The following ITGA2B variants were observed in gnomAD, a reference collection of about 807,000 sequenced individuals.
ITGA2B encodes the protein integrin alpha-IIb.
Under a neutral mutation model 142.0 loss-of-function variants are expected in ITGA2B, and 91 were observed. The ratio of observed to expected loss-of-function variants is 0.64; its 90% CI spans 0.54 to 0.76. The LOEUF is 0.76. Among genes scored for constraint, ITGA2B ranks in the 30% least tolerant of loss-of-function variants. The probability of loss-of-function intolerance (pLI) is 0.00; values close to 1 mark genes in which losing one functional copy is unlikely to be tolerated. For synonymous variants in ITGA2B, 536 were observed against 567.2 expected (o/e 0.94, Z 0.78); for missense variants, 1,231 against 1,350.8 (o/e 0.91, Z 1.39).
At chr17:44,373,989 T>TTG in intron 29 of ITGA2B, 1 of 305,238 alleles carries the variant, frequency 3.3e-6, no homozygotes, top group Non-Finnish European at 6.5e-6. Context: ...CACTGCAACC[T>TTG]CCGCCTCCTG....
chr17:44,385,113 C>A, intron 6 of ITGA2B, 37 bp from the exon 7 acceptor site: 5 of 1,614,020 alleles, frequency 3.1e-6, no homozygotes, highest in Non-Finnish European at 4.2e-6. Context: ...AAGCCCAAAG[C>A]GGTCTCCTTG....
At chr17:44,389,172 C>A in intron 1 of ITGA2B, 114 bp downstream of exon 1, 1 of 1,206,854 alleles carries the variant, frequency 8.3e-7, no homozygotes. Flanking sequence ...TGAATAGGCC[C>A]CACAAGTCAC....
rs768134115 is a variant in ITGA2B, at chr17:44,374,389, G to T, written c.3025C>A (p.Leu1009Met). 4 of 1,613,762 alleles carry T rather than the reference G, an allele frequency of 2.5e-6. No homozygotes were observed. The highest frequency in any genetic ancestry group is 3.3e-5 in the Admixed American group (2 of 59,974). Residue 1009 changes from leucine to methionine, a missense_variant, in exon 29 of 30, where the codon CTG becomes ATG. Physicochemically the swap from Leu to Met is conservative, Grantham distance 15 (BLOSUM62 2). Coordinates refer to ENST00000262407, the MANE Select transcript of ITGA2B (RefSeq NM_000419.5). ...WVLVGVLGGL[L>M]LLTILVLAMW... ...GCCAGGACCAGGATGGTGAGCAGCA[G>T]CAGGCCACCCAGCACACCCACCAGC...
rs1237895415 is a variant in ITGA2B, at chr17:44,384,973, G to A, written c.774C>T (p.Asn258=). ...CCCAGTAGCCGTCGAAGTACTCTGG[G>A]TTGCTGGAGTCAAAGGAGAGGCTCT... ...SSQSLSFDSS[N]PEYFDGYWGY... Residue 258 remains asparagine (N), a synonymous_variant, in exon 7 of 30, where the codon AAC becomes AAT. Transcript: ENST00000262407. 6.2e-7 allele frequency: 1 copy of A among 1,614,060 alleles called. No homozygotes were observed. The highest frequency in any genetic ancestry group is 8.5e-7 in the Non-Finnish European group (1 of 1,180,042).
chr17:44,385,605 A>T lies in ITGA2B; in HGVS notation c.520T>A (p.Tyr174Asn). Residue 174 changes from tyrosine (Y) to asparagine (N), a missense_variant, in exon 4 of 30, where the codon TAC becomes AAC. Tyr to Asn is a moderately radical substitution (Grantham distance 143). Coordinates refer to ENST00000262407, the MANE Select transcript of ITGA2B (RefSeq NM_000419.5). ...AGGGTGTTCCCGCGACAGGGGGAGT[A>T]CTCGGCGCGGCGGCCGCTCTCTGGC... ...AQPESGRRAEYSPCRGNTLSR... is the reference protein window; with the variant it reads ...AQPESGRRAENSPCRGNTLSR... 1 of 1,611,766 alleles carries T rather than the reference A, an allele frequency of 6.2e-7. No individual in the cohort carries two copies. Among genetic ancestry groups the T allele is most frequent in the Non-Finnish European group, 8.5e-7 (1 of 1,179,620 alleles).
Position 44,374,646 on chromosome 17 carries a change from C to T in ITGA2B, c.2943+13G>A. The T allele has an allele frequency of 1.9e-6, 3 of 1,608,260 alleles. No individual in the cohort carries two copies. The highest frequency in any genetic ancestry group is 2.6e-6 in the Non-Finnish European group (3 of 1,174,744). On this transcript the variant is annotated intron_variant, in intron 28 of 29. Coordinates refer to ENST00000262407, the MANE Select transcript of ITGA2B (RefSeq NM_000419.5). ...CTGCAGGACTGGTCTCTGCTCCATC[C>T]CCCCACACTCACCTGAGCTTCCCCT...
At chr17:44,380,207 C>G (rs190712632) in intron 16 of ITGA2B, 39 bp downstream of exon 16, 5 of 1,614,058 alleles carry the variant, frequency 3.1e-6, no homozygotes, top group Non-Finnish European at 4.2e-6. Flanking sequence ...CCGGGGGAGT[C>G]CAAGCCCACC....
At chr17:44,387,680 C>A (rs1056224312) in intron 1 of ITGA2B, among the ~76,000 whole-genome samples, 5 of 151,532 alleles carry the variant, frequency 3.3e-5, no homozygotes, top group Admixed American at 2.6e-4. Flanking sequence ...ACAAAATTAG[C>A]CGGGTGTGGT....
At position 44,389,594 on chromosome 17, in the gene ITGA2B, GGCAGA is replaced by G; in HGVS notation, c.-126_-122del. The G allele has an allele frequency of 2.6e-6, 3 of 1,159,866 alleles. No individual in the cohort carries two copies. The highest frequency in any genetic ancestry group is 3.7e-6 in the Non-Finnish European group (3 of 806,994). 71.8% of individuals were successfully genotyped at this position (1,159,866 alleles called of 1,614,324 possible). On this transcript the variant is annotated 5_prime_UTR_variant, in exon 1 of 30. It introduces an in-frame stop codon into an upstream open reading frame of the 5' UTR. Coordinates refer to ENST00000262407, the MANE Select transcript of ITGA2B (RefSeq NM_000419.5). ...ACCCCAAGTAACTTGCTGAGCAACG[GGCAGA>G]GCAAAGGGCTATAGCCCCTGGACTC...
At chr17:44,372,554 A>G (rs750310324) in intron 29 of ITGA2B, 131 bp from the exon 30 acceptor site, 15 of 706,314 alleles carry the variant, frequency 2.1e-5, no homozygotes, top group Non-Finnish European at 3.6e-5. Flanking sequence ...TGTACTCACA[A>G]ATGGATGCCT....
chr17:44,376,345 C>T lies in ITGA2B; in HGVS notation c.2311G>A (p.Val771Met), dbSNP rs368953599. Residue 771 changes from valine (V) to methionine (M), a missense_variant, in exon 23 of 30, where the codon GTG (valine) becomes ATG (methionine). This residue lies in a region of ITGA2B where 908 missense variants were observed against 1,021.1 expected (regional missense o/e 0.89). Coordinates refer to ENST00000262407, the MANE Select transcript of ITGA2B (RefSeq NM_000419.5). ...ACTTGGGCCTCTGCCCGGACCGGCA[C>T]GTCCAGCAGCACAATCTTGCTGTTT... ...NPNSKIVLLDVPVRAEAQVEL... is the reference protein window; with the variant it reads ...NPNSKIVLLDMPVRAEAQVEL... The T allele has an allele frequency of 1.2e-5, 20 of 1,614,186 alleles. No homozygotes were observed. In the South Asian group the frequency reaches 1.5e-4, roughly 12 times the overall value.
intron 27 of ITGA2B, 29 bp downstream of exon 27, chr17:44,374,969 C>T (rs1173394114): frequency 6.7e-7 from 1 of 1,481,852 alleles, no homozygotes. Context: ...CCAGAAGGCC[C>T]GGCCCCGCCC....
In ITGA2B at chr17:44,377,692, C is replaced by T. The variant is rs374761257; in HGVS notation, c.2187+6G>A. The T allele has an allele frequency of 1.4e-5, 23 of 1,610,938 alleles. No homozygotes were observed. The highest frequency in any genetic ancestry group is 2.0e-5 in the Non-Finnish European group (23 of 1,177,894). On this transcript the variant is annotated splice_donor_region_variant and intron_variant, in intron 21 of 29. Transcript: ENST00000262407. ...GAGACCCGGTACCACGACCCAGCAG[C>T]CTCACCTGGGCGTTCTTCTTCATGG...
chr17:44,380,660 G>A lies in ITGA2B; in HGVS notation c.1394-15C>T, dbSNP rs1395945633. 6.2e-7 allele frequency: 1 copy of A among 1,614,204 alleles called. No homozygotes were observed. The highest frequency in any genetic ancestry group is 1.1e-5 in the South Asian group (1 of 91,078). On this transcript the variant is annotated splice_polypyrimidine_tract_variant and intron_variant, in intron 13 of 29. Transcript: ENST00000262407. ...CACGATCAGGTCTATAGACATCGAGGAATGGGTCAGAATTGGCGATTAGGG... is the reference window on the plus strand; with the variant it reads ...CACGATCAGGTCTATAGACATCGAGAAATGGGTCAGAATTGGCGATTAGGG...
intron 1 of ITGA2B, among the ~76,000 whole-genome samples, chr17:44,388,775 C>T (rs2048672386): frequency 6.6e-6 from 1 of 151,330 alleles, no homozygotes; most frequent in Non-Finnish European, 1.5e-5. Flanking sequence ...CCTCTGCCTC[C>T]CAAAGTGCTG....
chr17:44,377,068 C>T lies in ITGA2B; in HGVS notation c.2208G>A (p.Val736=). The T allele has an allele frequency of 2.5e-6, 4 of 1,585,958 alleles. No individual in the cohort carries two copies. Among genetic ancestry groups the T allele is most frequent in the South Asian group, 2.3e-5 (2 of 86,856 alleles). ...CAGCCTCTTCCAGATTCCCCACGCT[C>T]ACCAACATCGCGATTCCTATCTGGG... is the stretch of plus-strand genomic sequence containing the variant. ...KNAQIGIAML[V]SVGNLEEAGE... is the part of the protein sequence containing the mutation. Residue 736 remains valine (V), a synonymous_variant, in exon 22 of 30, where the codon GTG becomes GTA. Transcript: ENST00000262407.
chr17:44,373,289 C>T (rs2048512317), intron 29 of ITGA2B, among the ~76,000 whole-genome samples: 1 of 152,096 alleles, frequency 6.6e-6, no homozygotes, highest in African/African-American at 2.4e-5. Flanking sequence ...AGGTGCCTGC[C>T]ACCACGCCTG....
chr17:44,389,257 C>G (rs1166419130), intron 1 of ITGA2B, 29 bp downstream of exon 1: 1 of 1,612,520 alleles, frequency 6.2e-7, no homozygotes, highest in Non-Finnish European at 8.5e-7. Flanking sequence ...CTGCTCTCTC[C>G]CAATACCCCA....
intron 12 of ITGA2B, 117 bp downstream of exon 12, chr17:44,383,376 G>T: frequency 1.1e-6 from 1 of 943,990 alleles, no homozygotes; most frequent in Non-Finnish European, 1.6e-6. Context: ...ATGTGTCTAA[G>T]CCACATACTT....
Sources: allele counts gnomAD v4.1 joint callset (sites outside exome capture counted in the v4.1 genomes callset), GRCh38; gene constraint gnomAD v4.1.1; regional missense constraint gnomAD v4.1.1; transcripts MANE v1.5; gene names NCBI Gene and HGNC (gene_info 2026-07-23, HGNC 2026-07-21).